The following CDH23 variants were observed in gnomAD, a reference collection of about 807,000 sequenced individuals.
The protein encoded by CDH23 is cadherin-23.
In CDH23, 189 loss-of-function variants were observed where a neutral mutation model predicts 317.1. The observed-to-expected ratio is 0.60, with a 90% confidence interval of 0.53 to 0.67. The LOEUF is 0.67. Ranked by LOEUF, CDH23 falls within the 30% of genes least tolerant of loss-of-function variation. The pLI, the probability that CDH23 is intolerant of heterozygous loss-of-function variation, is 0.00. For synonymous variants in CDH23, 1,839 were observed against 1,876.8 expected (o/e 0.98, Z 0.52); for missense variants, 4,401 against 4,592.4 (o/e 0.96, Z 1.20).
At chr10:71,507,932 C>G (rs1233716341) in intron 3 of CDH23, among the ~76,000 whole-genome samples, 1 of 152,230 alleles carries the variant, frequency 6.6e-6, no homozygotes, top group African/African-American at 2.4e-5. Flanking sequence ...GTGCTTTGGG[C>G]AACTTGCCAA....
intron 1 of CDH23, among the ~76,000 whole-genome samples, chr10:71,428,513 G>A (rs1311028468): frequency 3.3e-5 from 5 of 151,534 alleles, no homozygotes; most frequent in African/African-American, 7.3e-5. Context: ...ATCTCATTGC[G>A]GTTTTGATTT....
At chr10:71,548,299 G>T (rs1010068036) in intron 6 of CDH23, among the ~76,000 whole-genome samples, 1 of 152,218 alleles carries the variant, frequency 6.6e-6, no homozygotes, top group Non-Finnish European at 1.5e-5. Context: ...GCGTGGTGGA[G>T]GGGGGTGATG....
intron 3 of CDH23, among the ~76,000 whole-genome samples, chr10:71,447,988 T>C (rs1850252471): frequency 6.6e-6 from 1 of 152,208 alleles, no homozygotes; most frequent in South Asian, 2.1e-4. Flanking sequence ...TCTCATCCTC[T>C]GGGAGATCCC....
chr10:71,590,678 A>G (rs144360701), intron 9 of CDH23, among the ~76,000 whole-genome samples: 443 of 152,210 alleles, frequency 2.9e-3, no homozygotes, highest in Middle Eastern at 0.017. Context: ...TGAGGATTTG[A>G]GTCCCTGGGA....
intron 38 of CDH23, chr10:71,773,402 C>A: frequency 6.2e-7 from 1 of 1,609,114 alleles, no homozygotes; most frequent in Non-Finnish European, 8.5e-7. Flanking sequence ...GGATCCCCAG[C>A]GCCAGCTGCC....
At chr10:71,685,042 C>T (rs1484095070) in intron 18 of CDH23, among the ~76,000 whole-genome samples, 1 of 152,180 alleles carries the variant, frequency 6.6e-6, no homozygotes, top group East Asian at 1.9e-4. Flanking sequence ...TGAACCCTGA[C>T]CTGAATGACT....
At chr10:71,525,692 C>G (rs1855000168) in intron 6 of CDH23, among the ~76,000 whole-genome samples, 1 of 152,140 alleles carries the variant, frequency 6.6e-6, no homozygotes, top group African/African-American at 2.4e-5. Flanking sequence ...GTGCTACATC[C>G]AACAAGTGGC....
At chr10:71,586,218 GT>G (rs1046274260) in intron 9 of CDH23, among the ~76,000 whole-genome samples, 21 of 152,180 alleles carry the variant, frequency 1.4e-4, no homozygotes, top group Non-Finnish European at 2.9e-4. Context: ...GCTGGAGGTT[GT>G]TTTGGTGGGC....
intron 11 of CDH23, among the ~76,000 whole-genome samples, chr10:71,624,309 G>A (rs1191232383): frequency 1.3e-5 from 2 of 152,184 alleles, no homozygotes; most frequent in African/African-American, 4.8e-5. Context: ...CCCTTTTCAG[G>A]GAAGGACGAG....
intron 38 of CDH23, among the ~76,000 whole-genome samples, chr10:71,758,721 T>C (rs1671418242): frequency 6.6e-6 from 1 of 152,174 alleles, no homozygotes; most frequent in South Asian, 2.1e-4. Context: ...GCCTACTTCA[T>C]AGAGTTCTTA....
At chr10:71,697,328 A>G (rs1057290845) in intron 22 of CDH23, among the ~76,000 whole-genome samples, 1 of 152,174 alleles carries the variant, frequency 6.6e-6, no homozygotes, top group African/African-American at 2.4e-5. Context: ...CTATCAGGGA[A>G]TGCCTACTGC....
At chr10:71,735,618 C>A (rs1052834493) in intron 34 of CDH23, among the ~76,000 whole-genome samples, 1 of 152,204 alleles carries the variant, frequency 6.6e-6, no homozygotes, top group Non-Finnish European at 1.5e-5. Context: ...CATTGCCACG[C>A]CCTGCTGAGT....
intron 14 of CDH23, among the ~76,000 whole-genome samples, chr10:71,655,742 G>A (rs1863390374): frequency 6.6e-6 from 1 of 152,052 alleles, no homozygotes; most frequent in Admixed American, 6.5e-5. Flanking sequence ...GGGTATCTAG[G>A]ACAGTTGCTG....
At chr10:71,632,192 T>G (rs977546966) in intron 11 of CDH23, among the ~76,000 whole-genome samples, 5 of 152,194 alleles carry the variant, frequency 3.3e-5, no homozygotes, top group Non-Finnish European at 7.3e-5. Flanking sequence ...CCAAAAAGGA[T>G]GAAGTGAGAG....
intron 9 of CDH23, among the ~76,000 whole-genome samples, chr10:71,605,234 G>A (rs1860460798): frequency 6.6e-6 from 1 of 150,710 alleles, no homozygotes; most frequent in African/African-American, 2.5e-5. Flanking sequence ...AAAGGAACTT[G>A]TATTGACCTT....
chr10:71,723,733 G>A (rs1278683968), intron 28 of CDH23, among the ~76,000 whole-genome samples: 2 of 152,202 alleles, frequency 1.3e-5, no homozygotes, highest in Non-Finnish European at 2.9e-5. Context: ...AACAGCCTGA[G>A]AAAGCCTGGA....
In CDH23 at chr10:71,570,918, G is replaced by A. The variant is rs769896655; in HGVS notation, c.753G>A (p.Pro251=). The change falls in exon 8 of 70, where the codon CCG becomes CCA. Residue 251 remains proline, a splice_region_variant and synonymous_variant. Transcript: ENST00000224721. ...YSTNIYEHSP[P]GTTVRIITAI... is the part of the protein sequence containing the mutation. ...CCAACATCTACGAGCATTCTCCTCC[G>A]GTAAGACTCCTGGCCCTTCCTTCTC... 9.9e-6 allele frequency: 16 copies of A among 1,613,760 alleles called. No homozygotes were observed. The East Asian group carries it at 2.2e-4, about 22-fold the overall frequency.
chr10:71,753,864 C>A (rs767171535), intron 38 of CDH23: 23 of 456,352 alleles, frequency 5.0e-5, no homozygotes, highest in Non-Finnish European at 9.3e-5. Context: ...TTGCTTACAG[C>A]CGACTCATGG....
chr10:71,751,984 G>T lies in CDH23; in HGVS notation c.4845+10063G>T. 9.3e-7 allele frequency: 1 copy of T among 1,071,154 alleles called. No homozygotes were observed. The highest frequency in any genetic ancestry group is 1.4e-6 in the Non-Finnish European group (1 of 724,712). The allele number at this position is 1,071,154 out of a possible 1,614,324, so 66.4% of individuals were successfully genotyped here. On this transcript the variant is annotated intron_variant, in intron 38 of 69. Coordinates refer to ENST00000224721, the MANE Select transcript of CDH23 (RefSeq NM_022124.6). The surrounding 1 kb of genome is among the most constrained non-coding windows in gnomAD (Gnocchi z 4.9). ...ACATCCCCATCCCCAAGCCTCAGCA[G>T]CATCTCCAAGCAAGAAGGCAGGAGC...
Sources: gnomAD v4.1 joint callset for allele counts (sites outside exome capture counted in the v4.1 genomes callset) on GRCh38, gnomAD v4.1.1 for gene constraint, Gnocchi (gnomAD v3.1) non-coding constraint, MANE v1.5 for transcripts, NCBI Gene and HGNC (gene_info 2026-07-23, HGNC 2026-07-21) for gene names.